RPL28: variants seen among roughly 807,000 people sequenced by gnomAD.
RPL28 encodes the protein ribosomal protein L28.
In RPL28, 4 loss-of-function variants were observed where a neutral mutation model predicts 12.5. That is an observed-to-expected ratio of 0.32 (90% CI 0.16 to 0.73). The LOEUF (loss-of-function observed/expected upper bound fraction) is 0.73. Among genes scored for constraint, RPL28 ranks in the 30% least tolerant of loss-of-function variants. The probability of loss-of-function intolerance (pLI) is 0.66; values close to 1 mark genes in which losing one functional copy is unlikely to be tolerated. For synonymous variants in RPL28, 91 were observed against 72.5 expected (o/e 1.26, Z -1.30); for missense variants, 214 against 197.7 (o/e 1.08, Z -0.49).
At position 55,388,711 on chromosome 19, in the gene RPL28, C is replaced by G; in HGVS notation, c.*379C>G. The G allele has an allele frequency of 9.6e-7, 1 of 1,043,536 alleles. No individual in the cohort carries two copies. The highest frequency in any genetic ancestry group is 1.2e-6 in the Non-Finnish European group (1 of 868,540). 64.6% of individuals were successfully genotyped at this position (1,043,536 alleles called of 1,614,324 possible). On this transcript the variant is annotated 3_prime_UTR_variant, in exon 5 of 5. Transcript: ENST00000344063. ...GCAGGCTGAGGGCTGGGCCCTGGGC[C>G]CTGGTGCTGTAGCACGGTTTGGGGA...
At chr19:55,395,673 G>A (rs1355533676), downstream of RPL28, among the ~76,000 whole-genome samples, 2 of 147,334 alleles carry the variant, frequency 1.4e-5, no homozygotes, top group Non-Finnish European at 3.0e-5. Flanking sequence ...TCAATCTCCT[G>A]ACCTTGTGAT....
downstream of RPL28, among the ~76,000 whole-genome samples, chr19:55,393,451 CAT>C (rs1397759928): frequency 2.0e-5 from 3 of 152,170 alleles, no homozygotes; most frequent in African/African-American, 4.8e-5. Flanking sequence ...ATTCACGTAA[CAT>C]AAAGTCCACG....
rs953767072 is a variant in RPL28, at chr19:55,401,543, G to A, written c.325-1400G>A. ...GCCATGGGACCCTCAGCCCCTCCCG[G>A]GCCCCCTGGGGCCCCAGGGTCGGTG... On this transcript the variant is annotated intron_variant, in intron 4 of 4. Transcript: ENST00000560055. 5.0e-6 allele frequency: 8 copies of A among 1,610,504 alleles called. No homozygotes were observed. Among genetic ancestry groups the A allele is most frequent in the South Asian group, 2.2e-5 (2 of 90,968 alleles).
chr19:55,396,074 T>C (rs1462877620), downstream of RPL28, among the ~76,000 whole-genome samples: 1 of 151,712 alleles, frequency 6.6e-6, no homozygotes, highest in Non-Finnish European at 1.5e-5. Context: ...GCCCAGGAGT[T>C]TGAGACCGGC....
chr19:55,397,494 C>A (rs1304793088), intron 4 of RPL28, among the ~76,000 whole-genome samples: 1 of 152,158 alleles, frequency 6.6e-6, no homozygotes, highest in Non-Finnish European at 1.5e-5. Context: ...ATTCTCCTGC[C>A]TCAGCCTCCT....
In RPL28 at chr19:55,390,471, C is replaced by G. The variant is rs944798742; in HGVS notation, c.*2139C>G. The G allele has an allele frequency of 1.5e-5, 15 of 985,356 alleles. No individual in the cohort carries two copies. The highest frequency in any genetic ancestry group is 1.8e-5 in the Non-Finnish European group (15 of 829,968). The allele number at this position is 985,356 out of a possible 1,614,324, so 61.0% of individuals were successfully genotyped here. A position where few individuals can be genotyped will look rare whatever the true frequency, so the allele number is the denominator to read the frequency against. On this transcript the variant is annotated 3_prime_UTR_variant, in exon 5 of 5. Transcript: ENST00000344063. ...CCACCTGCCTCAGCCTCCCAAAGTGCTGGCATTACAGGCGCTCGAGGCTTT... is the reference window on the plus strand; with the variant it reads ...CCACCTGCCTCAGCCTCCCAAAGTGGTGGCATTACAGGCGCTCGAGGCTTT...
chr19:55,396,783 T>C (rs530934577), downstream of RPL28, among the ~76,000 whole-genome samples: 1 of 149,486 alleles, frequency 6.7e-6, no homozygotes, highest in South Asian at 2.1e-4. Context: ...GGTTTCACCG[T>C]GTTAGCCAGG....
intron 3 of RPL28, 124 bp downstream of exon 3, chr19:55,386,817 G>A: frequency 6.3e-7 from 1 of 1,593,724 alleles, no homozygotes; most frequent in Non-Finnish European, 8.5e-7. Context: ...GCGCCAGGGT[G>A]TTGGTCTGGG....
rs547385518 is a variant in RPL28, at chr19:55,386,712, G to A, written c.205+19G>A. ...AGATCCGGTGAGTTTTGTCTGGTTT[G>A]GGCCAGAGAGCGGCCCCTTTCCCGG... On this transcript the variant is annotated intron_variant, in intron 3 of 4. Coordinates refer to ENST00000344063, the MANE Select transcript of RPL28 (RefSeq NM_000991.5). 244 of 1,613,824 alleles carry A rather than the reference G, an allele frequency of 1.5e-4. 3 individuals carry two copies. In the South Asian group the frequency reaches 2.4e-3, roughly 16 times the overall value.
intron 1 of RPL28, 126 bp downstream of exon 1, chr19:55,386,091 A>G: frequency 2.1e-6 from 1 of 468,514 alleles, no homozygotes; most frequent in South Asian, 2.2e-5. Flanking sequence ...CTCCCCGTGA[A>G]GTCGTTGTGA....
At chr19:55,394,102 AAT>A (rs1228018828), downstream of RPL28, among the ~76,000 whole-genome samples, 1 of 152,058 alleles carries the variant, frequency 6.6e-6, no homozygotes, top group African/African-American at 2.4e-5. Context: ...CTATACTAAA[AAT>A]ACTAAAAACT....
At chr19:55,394,656 T>G (rs1398794788), downstream of RPL28, among the ~76,000 whole-genome samples, 1 of 151,976 alleles carries the variant, frequency 6.6e-6, no homozygotes, top group Non-Finnish European at 1.5e-5. Flanking sequence ...TCTGTAGCCT[T>G]GAACTCCTGG....
At position 55,389,188 on chromosome 19, in the gene RPL28, T is replaced by C. The variant is rs1600304743; in HGVS notation, c.*856T>C. 1 of 971,428 alleles carries C rather than the reference T, an allele frequency of 1.0e-6. No homozygotes were observed. Among genetic ancestry groups the C allele is most frequent in the Admixed American group, 6.2e-5 (1 of 16,244 alleles). The allele number at this position is 971,428 out of a possible 1,614,324, so 60.2% of individuals were successfully genotyped here. Reference sequence around the variant, plus strand: ...CTAGGCAACATAATGAGACACCGTCTCTAAAATAAAATTAGCTGGGTGTGG... The same window carrying C: ...CTAGGCAACATAATGAGACACCGTCCCTAAAATAAAATTAGCTGGGTGTGG... On this transcript the variant is annotated 3_prime_UTR_variant, in exon 5 of 5. Coordinates refer to ENST00000344063, the MANE Select transcript of RPL28 (RefSeq NM_000991.5).
chr19:55,386,293 C>T lies in RPL28; in HGVS notation c.-8-57C>T, dbSNP rs766815404. 3 of 1,544,032 alleles carry T rather than the reference C, an allele frequency of 1.9e-6. No individual in the cohort carries two copies. The African/African-American group carries it at 4.1e-5, about 21-fold the overall frequency. The stretch of plus-strand genomic sequence containing the variant: ...CTGCTGTCCGAGCGTGGCCCGTGGC[C>T]TAACGCTGCTTTAGTTCTCTGTGTC... On this transcript the variant is annotated intron_variant, in intron 1 of 4. Transcript: ENST00000344063.
Position 55,391,505 on chromosome 19 carries a change from ACT to A in RPL28, c.*3175_*3176del. On this transcript the variant is annotated 3_prime_UTR_variant, in exon 5 of 5. Coordinates refer to ENST00000344063, the MANE Select transcript of RPL28 (RefSeq NM_000991.5). ...TTGTGCAGAGCGCTGGGGACTCCAG[ACT>A]CCCCACAGCAGCAGAGACTCGGGAC... 1 of 1,448,730 alleles carries A rather than the reference ACT, an allele frequency of 6.9e-7. No homozygotes were observed. Among genetic ancestry groups the A allele is most frequent in the Non-Finnish European group, 9.2e-7 (1 of 1,087,196 alleles). The allele number at this position is 1,448,730 out of a possible 1,614,324, so 89.7% of individuals were successfully genotyped here.
At position 55,391,765 on chromosome 19, in the gene RPL28, TATAA is replaced by T; in HGVS notation, c.*3437_*3440del. ...TTGTAGGAATAAATTAATGACTTTT[TATAA>T]ATATTTTGATCAGATGGACTCATGA... On this transcript the variant is annotated 3_prime_UTR_variant, in exon 5 of 5. Coordinates refer to ENST00000344063, the MANE Select transcript of RPL28 (RefSeq NM_000991.5). 2 of 1,467,238 alleles carry T rather than the reference TATAA, an allele frequency of 1.4e-6. No homozygotes were observed. The highest frequency in any genetic ancestry group is 1.8e-6 in the Non-Finnish European group (2 of 1,099,582). The allele number at this position is 1,467,238 out of a possible 1,614,324, so 90.9% of individuals were successfully genotyped here.
rs552854791 is a variant in RPL28, at chr19:55,397,159, C to T, written c.325-5784C>T. ...CCTCCCAAAGTGTTAGGATTACAGG[C>T]GTGAGCCACTACACCCGGCCTCCTT... On this transcript the variant is annotated intron_variant, in intron 4 of 4. Coordinates refer to the RPL28 transcript ENST00000560055. Among the ~76,000 whole-genome samples the T allele has an allele frequency of 1.6e-3, 246 of 152,266 alleles. 1 individual carries two copies. The highest frequency in any genetic ancestry group is 5.7e-3 in the African/African-American group (235 of 41,550).
chr19:55,398,205 A>G lies in RPL28; in HGVS notation c.325-4738A>G, dbSNP rs189139293. Among the ~76,000 whole-genome samples the G allele has an allele frequency of 2.5e-4, 31 of 124,378 alleles. 1 individual carries two copies. The Admixed American group carries it at 2.7e-3, about 11-fold the overall frequency. The allele number at this position is 124,378 out of a possible 152,430, so 81.6% of individuals were successfully genotyped here. On this transcript the variant is annotated intron_variant, in intron 4 of 4. Transcript: ENST00000560055. ...AGCGAAACTCTGTCTCAAAAAAACA[A>G]AAAGAAAGAAATGGGAATGTGAATT...
chr19:55,386,127 C>G, intron 1 of RPL28, 162 bp downstream of exon 1: 1 of 564,492 alleles, frequency 1.8e-6, no homozygotes, highest in South Asian at 2.1e-5. Context: ...TCCCCTCACT[C>G]TCATTCGCCG....
Sources: allele counts gnomAD v4.1 joint callset (sites outside exome capture counted in the v4.1 genomes callset), GRCh38; gene constraint gnomAD v4.1.1; transcripts MANE v1.5; gene names NCBI Gene and HGNC (gene_info 2026-07-23, HGNC 2026-07-21).